Variants in TNRC6A observed in about 807,000 individuals in gnomAD.
TNRC6A encodes the protein trinucleotide repeat containing adaptor 6A, also known as trinucleotide repeat-containing gene 6A protein.
TNRC6A carries 44 observed loss-of-function variants against 221.2 expected under a neutral mutation model. The observed-to-expected ratio is 0.20, with a 90% CI of 0.16 to 0.26. The LOEUF (loss-of-function observed/expected upper bound fraction) is 0.26, where lower values mean the gene tolerates loss of function less well. TNRC6A is among the 10% of genes least tolerant of loss of function. TNRC6A has a pLI of 1.00. For synonymous variants in TNRC6A, 847 were observed against 838.5 expected, an observed-to-expected ratio of 1.01 and a Z score of -0.18; for missense variants, 2,199 against 2,404.4, an observed-to-expected ratio of 0.91 and a Z score of 1.79.
rs113245228 is a variant in TNRC6A at position 24,634,488 on chromosome 16, C to G, written n.277-6396C>G. On this transcript the variant is annotated intron_variant and non_coding_transcript_variant, in intron 1 of 2. Coordinates refer to the TNRC6A transcript ENST00000566108. ...ACCAGATTCTCTTAAGTGTTTCACA[C>G]ACCTTAAATATTGTAACATGCAAAA... is the stretch of plus-strand genomic sequence containing the variant. Among the ~76,000 whole-genome samples, 399 of 151,058 alleles carry G rather than the reference C, an allele frequency of 2.6e-3. 4 individuals are homozygous for G. Among genetic ancestry groups the G allele is most frequent in the African/African-American group, 9.2e-3 (377 of 41,016 alleles).
intron 2 of TNRC6A, among the ~76,000 whole-genome samples, chr16:24,749,760 C>CT (rs903579892): frequency 8.8e-4 from 134 of 152,350 alleles, no homozygotes; most frequent in African/African-American, 3.2e-3. Context: ...TTTGCGCAGT[C>CT]TGTCACTTTG....
chr16:24,743,311 CTTTTAATTAATTTTTTATTATTA>C (rs1257194170), intron 2 of TNRC6A, among the ~76,000 whole-genome samples: 1 of 151,996 alleles, frequency 6.6e-6, no homozygotes, highest in East Asian at 1.9e-4. Flanking sequence ...TCAATCTGAG[CTTTTAATTAATTTTTTATTATTA>C]TTTTTGAGAA....
intron 4 of TNRC6A, among the ~76,000 whole-genome samples, chr16:24,766,703 G>T (rs2057480364): frequency 3.3e-5 from 4 of 122,946 alleles, no homozygotes; most frequent in East Asian, 2.4e-4. Flanking sequence ...TTGACGTGTA[G>T]TCTCACTCTG....
chr16:24,648,575 C>G (rs1020901265), intron 2 of TNRC6A, among the ~76,000 whole-genome samples: 4 of 152,110 alleles, frequency 2.6e-5, no homozygotes, highest in African/African-American at 9.7e-5. Flanking sequence ...CGGCCCACAG[C>G]AACCATTTTA....
At chr16:24,724,273 T>C (rs2056457846) in intron 2 of TNRC6A, among the ~76,000 whole-genome samples, 1 of 152,222 alleles carries the variant, frequency 6.6e-6, no homozygotes, top group South Asian at 2.1e-4. Context: ...TTTTATCATT[T>C]ACTATTTTAA....
upstream of TNRC6A, among the ~76,000 whole-genome samples, chr16:24,724,987 A>T (rs2151107295): frequency 6.6e-6 from 1 of 152,206 alleles, no homozygotes; most frequent in Middle Eastern, 3.4e-3. Flanking sequence ...TAAGAGAAGG[A>T]GGAGAAGTTA....
chr16:24,690,011 AAAAAAAAAAAAAAAAAT>A (rs2055721943), intron 2 of TNRC6A, among the ~76,000 whole-genome samples: 11 of 67,256 alleles, frequency 1.6e-4, no homozygotes, highest in African/African-American at 7.8e-4. Flanking sequence ...AAAAAAAAAA[AAAAAAAAAAAAAAAAAT>A]TTTTTTTTTT....
chr16:24,677,276 C>A (rs2055439274), intron 2 of TNRC6A, among the ~76,000 whole-genome samples: 1 of 151,822 alleles, frequency 6.6e-6, no homozygotes. Context: ...GATTCTCATG[C>A]CTCAGCCTCC....
intron 11 of TNRC6A, among the ~76,000 whole-genome samples, chr16:24,799,467 G>A (rs2058288544): frequency 6.6e-6 from 1 of 152,142 alleles, no homozygotes; most frequent in Non-Finnish European, 1.5e-5. Context: ...TCTCTAAACT[G>A]AGGAGATGAA....
At chr16:24,670,905 G>C in intron 2 of TNRC6A, 1 of 261,034 alleles carries the variant, frequency 3.8e-6, no homozygotes, top group Non-Finnish European at 8.5e-6. Context: ...CCCCACTCCC[G>C]CCAGCCCCCA....
chr16:24,784,304 C>A (rs2057919470), intron 5 of TNRC6A, among the ~76,000 whole-genome samples: 1 of 152,058 alleles, frequency 6.6e-6, no homozygotes, highest in Admixed American at 6.6e-5. Context: ...GCCCAGCCAA[C>A]ACTTTTTATT....
At chr16:24,795,220 A>G (rs957532248) in intron 8 of TNRC6A, among the ~76,000 whole-genome samples, 1 of 152,230 alleles carries the variant, frequency 6.6e-6, no homozygotes, top group Non-Finnish European at 1.5e-5. Flanking sequence ...TTATGTGTGG[A>G]CAAATCATAT....
intron 4 of TNRC6A, among the ~76,000 whole-genome samples, chr16:24,767,613 C>G (rs2057501217): frequency 6.6e-6 from 1 of 151,884 alleles, no homozygotes; most frequent in East Asian, 1.9e-4. Context: ...AATAGTTTGC[C>G]CATGTTTTGC....
chr16:24,648,446 AT>A (rs1364505155), intron 2 of TNRC6A, among the ~76,000 whole-genome samples: 1 of 151,624 alleles, frequency 6.6e-6, no homozygotes, highest in Non-Finnish European at 1.5e-5. Flanking sequence ...AATTTTTTGT[AT>A]TTTTAGTAGA....
chr16:24,660,673 A>C (rs955569955), intron 2 of TNRC6A, among the ~76,000 whole-genome samples: 8 of 150,128 alleles, frequency 5.3e-5, no homozygotes, highest in Non-Finnish European at 8.9e-5. Context: ...CCTTAACCTT[A>C]GATTCAACAT....
intron 2 of TNRC6A, among the ~76,000 whole-genome samples, chr16:24,668,916 G>A (rs1351866586): frequency 6.6e-6 from 1 of 152,042 alleles, no homozygotes; most frequent in African/African-American, 2.4e-5. Flanking sequence ...GTCTCTGAAA[G>A]TTCAACAGGA....
At chr16:24,804,510 C>T in intron 12 of TNRC6A, 191 bp downstream of exon 12, 1 of 1,100,050 alleles carries the variant, frequency 9.1e-7, no homozygotes, top group Non-Finnish European at 1.3e-6. Context: ...TTATATTTTT[C>T]TTCTTAATCC....
chr16:24,756,689 C>T (rs566673310), intron 3 of TNRC6A, among the ~76,000 whole-genome samples: 5 of 152,186 alleles, frequency 3.3e-5, no homozygotes, highest in East Asian at 1.9e-4. Context: ...GATGGGGTTT[C>T]GCCATATTGG....
intron 2 of TNRC6A, chr16:24,664,965 C>T (rs1221310765): frequency 4.4e-6 from 2 of 456,118 alleles, no homozygotes; most frequent in South Asian, 1.5e-5. Flanking sequence ...CACAGAATCA[C>T]GGGATGGTTG....
Sources: gnomAD v4.1 joint callset for allele counts (sites outside exome capture counted in the v4.1 genomes callset) on GRCh38, gnomAD v4.1.1 for gene constraint, MANE v1.5 for transcripts, NCBI Gene and HGNC (gene_info 2026-07-23, HGNC 2026-07-21) for gene names.